MRTFB: variants seen among roughly 807,000 people sequenced by gnomAD.
MRTFB encodes the protein myocardin-related transcription factor B.
Under a neutral mutation model 104.2 loss-of-function variants are expected in MRTFB, and 29 were observed. The ratio of observed to expected loss-of-function variants is 0.28; its 90% CI spans 0.21 to 0.38. The LOEUF (loss-of-function observed/expected upper bound fraction) is 0.38, where lower values mean the gene tolerates loss of function less well. Among genes scored for constraint, MRTFB ranks in the 10% least tolerant of loss-of-function variants. The probability of loss-of-function intolerance (pLI) is 1.00; values close to 1 mark genes in which losing one functional copy is unlikely to be tolerated. For missense variants in MRTFB, 1,270 were observed against 1,341.6 expected, an observed-to-expected ratio of 0.95 and a Z score of 0.83; for synonymous variants, 535 against 519.5, an observed-to-expected ratio of 1.03 and a Z score of -0.41.
At chr16:14,042,073 T>C in the MRTFB span, among the ~76,000 whole-genome samples, 1 of 152,196 alleles carries the variant, frequency 6.6e-6, no homozygotes. Context: ...CCACCAACAG[T>C]GCACAAGGGT....
chr16:14,001,668 A>G, the MRTFB span, among the ~76,000 whole-genome samples: 49 of 152,364 alleles, frequency 3.2e-4, 1 homozygote, highest in East Asian at 9.4e-3. Context: ...GGCTTCTGTC[A>G]TCCCAGGGAA....
At chr16:14,014,189 G>T in the MRTFB span, among the ~76,000 whole-genome samples, 5 of 152,120 alleles carry the variant, frequency 3.3e-5, no homozygotes, top group African/African-American at 7.2e-5. Flanking sequence ...GGAGAATGAA[G>T]TAAGAGTGAA....
chr16:14,128,928 TCTC>T (rs1401515224), intron 2 of MRTFB, among the ~76,000 whole-genome samples: 1 of 152,168 alleles, frequency 6.6e-6, no homozygotes, highest in Non-Finnish European at 1.5e-5. Flanking sequence ...CACCCAAAAA[TCTC>T]CTTGTTATCA....
At chr16:14,084,324 G>A (rs999352770) in intron 2 of MRTFB, among the ~76,000 whole-genome samples, 4 of 152,148 alleles carry the variant, frequency 2.6e-5, no homozygotes, top group Non-Finnish European at 1.5e-5. Flanking sequence ...AACTGCTTGA[G>A]CTCAGGAGTT....
intron 8 of MRTFB, among the ~76,000 whole-genome samples, chr16:14,221,439 G>A (rs1316252476): frequency 6.6e-6 from 1 of 152,094 alleles, no homozygotes; most frequent in Non-Finnish European, 1.5e-5. Flanking sequence ...TCAGCACAGG[G>A]GTCCAGCACA....
intron 3 of MRTFB, among the ~76,000 whole-genome samples, chr16:14,176,246 C>G (rs769462411): frequency 1.3e-5 from 2 of 152,126 alleles, no homozygotes; most frequent in Non-Finnish European, 2.9e-5. Context: ...TAAAGAGAAG[C>G]TTGACCATGT....
intron 3 of MRTFB, among the ~76,000 whole-genome samples, chr16:14,165,855 A>G (rs2039216856): frequency 6.6e-6 from 1 of 152,184 alleles, no homozygotes; most frequent in Non-Finnish European, 1.5e-5. Context: ...GTTCTGGTAT[A>G]CTTTGTTCTG....
the MRTFB span, among the ~76,000 whole-genome samples, chr16:14,043,762 C>T: frequency 6.6e-6 from 1 of 152,194 alleles, no homozygotes; most frequent in East Asian, 1.9e-4. Context: ...GCACCAGGTA[C>T]CTGAAAGCAC....
intron 9 of MRTFB, among the ~76,000 whole-genome samples, chr16:14,236,611 T>G (rs557367596): frequency 6.6e-6 from 1 of 152,088 alleles, no homozygotes; most frequent in South Asian, 2.1e-4. Context: ...TGGACAGAGA[T>G]CTGAAAGAAT....
At chr16:14,110,828 TTGCCCCTATTCCCAGC>T (rs2036233075) in intron 2 of MRTFB, among the ~76,000 whole-genome samples, 1 of 152,130 alleles carries the variant, frequency 6.6e-6, no homozygotes, top group Non-Finnish European at 1.5e-5. Flanking sequence ...GGCCCCAAAC[TTGCCCCTATTCCCAGC>T]GTGAATCCCT....
upstream of MRTFB, among the ~76,000 whole-genome samples, chr16:14,069,004 T>G: frequency 7.3e-6 from 1 of 137,488 alleles, no homozygotes; most frequent in South Asian, 2.4e-4. Flanking sequence ...ACAGTCTCAC[T>G]TGATGCCCAG....
At chr16:14,128,638 G>A (rs994178698) in intron 2 of MRTFB, among the ~76,000 whole-genome samples, 1 of 152,180 alleles carries the variant, frequency 6.6e-6, no homozygotes, top group Non-Finnish European at 1.5e-5. Flanking sequence ...TTCCATATCA[G>A]TATCACCTGG....
At chr16:14,064,281 A>T in the MRTFB span, among the ~76,000 whole-genome samples, 1 of 152,094 alleles carries the variant, frequency 6.6e-6, no homozygotes, top group Non-Finnish European at 1.5e-5. Flanking sequence ...TCGTCTTTTG[A>T]AAAGTGTCTG....
At chr16:14,116,163 T>A (rs1422902428) in intron 2 of MRTFB, among the ~76,000 whole-genome samples, 3 of 151,932 alleles carry the variant, frequency 2.0e-5, no homozygotes, top group Non-Finnish European at 4.4e-5. Flanking sequence ...TAGCCACTCC[T>A]CATTTTTTTT....
intron 2 of MRTFB, among the ~76,000 whole-genome samples, chr16:14,098,632 C>G (rs556216660): frequency 6.6e-6 from 1 of 152,154 alleles, no homozygotes; most frequent in Non-Finnish European, 1.5e-5. Flanking sequence ...CTCCACCTAA[C>G]CTGAGGTCAG....
At chr16:14,158,994 A>AAG (rs1205995819) in intron 3 of MRTFB, among the ~76,000 whole-genome samples, 1 of 147,800 alleles carries the variant, frequency 6.8e-6, no homozygotes. Context: ...AAAAAAAAAA[A>AAG]CTTAGGTGTT....
At chr16:14,251,821 G>A (rs1214865014) in intron 13 of MRTFB, 41 bp from the exon 14 acceptor site, 1 of 1,600,518 alleles carries the variant, frequency 6.2e-7, no homozygotes, top group South Asian at 1.1e-5. Context: ...ATTAAGAAAA[G>A]CCAAAGAACA....
intron 2 of MRTFB, among the ~76,000 whole-genome samples, chr16:14,133,756 CA>C: frequency 6.6e-6 from 1 of 152,114 alleles, no homozygotes; most frequent in African/African-American, 2.4e-5. Flanking sequence ...TATAATTCAA[CA>C]AAATTACAGT....
Position 14,246,914 on chromosome 16 carries a change from A to T in MRTFB, c.1654A>T (p.Ser552Cys). 1.9e-6 allele frequency: 3 copies of T among 1,614,022 alleles called. No individual in the cohort carries two copies. The highest frequency in any genetic ancestry group is 2.5e-6 in the Non-Finnish European group (3 of 1,180,036). The change falls in exon 12 of 17, where the codon AGT (serine) becomes TGT (cysteine). Residue 552 changes from serine (S) to cysteine (C), a missense_variant. By Grantham distance (112) the Ser-to-Cys change is moderately radical. Coordinates refer to ENST00000571589, the MANE Select transcript of MRTFB (RefSeq NM_001308142.2). The part of the protein sequence containing the change: ...SPLRMTNNED[S>C]LSPTSSTLSN... ...TTTGAGAATGACAAATAATGAAGACAGTCTGAGTCCCACCAGCAGCACTCT... is the reference window on the plus strand; with the variant it reads ...TTTGAGAATGACAAATAATGAAGACTGTCTGAGTCCCACCAGCAGCACTCT...
Sources: allele counts gnomAD v4.1 joint callset (sites outside exome capture counted in the v4.1 genomes callset), GRCh38; gene constraint gnomAD v4.1.1; transcripts MANE v1.5; gene names NCBI Gene and HGNC (gene_info 2026-07-23, HGNC 2026-07-21).